Variants in GBE1 observed in about 807,000 individuals in gnomAD.
The protein encoded by GBE1 is 1,4-alpha-glucan branching enzyme 1, also known as 1,4-alpha-glucan-branching enzyme.
GBE1 carries 70 observed loss-of-function variants against 88.8 expected under a neutral mutation model. The ratio of observed to expected loss-of-function variants is 0.79; its 90% CI spans 0.65 to 0.96. The LOEUF (loss-of-function observed/expected upper bound fraction) is 0.96, where lower values mean the gene tolerates loss of function less well. GBE1 is among the 40% of genes least tolerant of loss of function. The pLI, the probability that GBE1 is intolerant of heterozygous loss-of-function variation, is 0.00. For synonymous variants in GBE1, 284 were observed against 300.1 expected (o/e 0.95, Z 0.56); for missense variants, 872 against 871.0 (o/e 1.00, Z -0.01).
chr3:81,522,401 C>G (rs1047832901), intron 14 of GBE1, among the ~76,000 whole-genome samples: 4 of 151,476 alleles, frequency 2.6e-5, no homozygotes, highest in Non-Finnish European at 4.4e-5. Flanking sequence ...CTGCACTGAA[C>G]TGGGAGGGTG....
chr3:81,636,025 TACA>T (rs1559671370), intron 7 of GBE1, among the ~76,000 whole-genome samples: 1 of 152,178 alleles, frequency 6.6e-6, no homozygotes, highest in East Asian at 1.9e-4. Flanking sequence ...ACAAAGTTTA[TACA>T]AAGACGGTAA....
intron 6 of GBE1, 119 bp from the exon 7 acceptor site, chr3:81,643,109 G>A (rs890752986): frequency 3.0e-5 from 21 of 694,614 alleles, no homozygotes; most frequent in Non-Finnish European, 4.7e-5. Context: ...AACAGCATGT[G>A]ACATGATACC....
chr3:81,584,107 A>G (rs1459659854), intron 10 of GBE1, among the ~76,000 whole-genome samples: 1 of 152,112 alleles, frequency 6.6e-6, no homozygotes, highest in African/African-American at 2.4e-5. Context: ...TAAACACTTC[A>G]AAAATGATCA....
At chr3:81,660,102 G>A (rs1705002608) in intron 3 of GBE1, among the ~76,000 whole-genome samples, 1 of 152,188 alleles carries the variant, frequency 6.6e-6, no homozygotes, top group Admixed American at 6.5e-5. Flanking sequence ...GAAATAGTTT[G>A]TATTATGGGA....
At chr3:81,695,764 T>C (rs1705582253) in intron 2 of GBE1, among the ~76,000 whole-genome samples, 2 of 152,180 alleles carry the variant, frequency 1.3e-5, no homozygotes, top group South Asian at 2.1e-4. Context: ...TATGTGTCCA[T>C]GGTTGTTAAA....
chr3:81,745,559 A>G (rs1266065636), intron 1 of GBE1, among the ~76,000 whole-genome samples: 2 of 151,802 alleles, frequency 1.3e-5, no homozygotes, highest in Non-Finnish European at 2.9e-5. Flanking sequence ...GATGGTGATG[A>G]TTATTATTAT....
At chr3:81,581,103 G>A in intron 11 of GBE1, 62 bp downstream of exon 11, 1 of 910,256 alleles carries the variant, frequency 1.1e-6, no homozygotes, top group South Asian at 1.5e-5. Context: ...ATGTTATTAA[G>A]GAGAGGGAAG....
At chr3:81,731,554 A>G (rs1361223124) in intron 1 of GBE1, among the ~76,000 whole-genome samples, 1 of 152,100 alleles carries the variant, frequency 6.6e-6, no homozygotes, top group East Asian at 1.9e-4. Flanking sequence ...GGATTTGTGT[A>G]CCCACCCAAA....
chr3:81,516,326 T>C (rs1429428693), intron 14 of GBE1, among the ~76,000 whole-genome samples: 1 of 151,602 alleles, frequency 6.6e-6, no homozygotes, highest in African/African-American at 2.4e-5. Context: ...GCTCTATAAA[T>C]GTAACCACAA....
In GBE1 at chr3:81,631,666, GA is replaced by G. The variant is rs537059909; in HGVS notation, c.992+11114del. Among the ~76,000 whole-genome samples the G allele has an allele frequency of 5.6e-4, 84 of 150,490 alleles. 2 individuals carry two copies. The highest frequency in any genetic ancestry group is 5.5e-3 in the Admixed American group (84 of 15,154). On this transcript the variant is annotated intron_variant, in intron 7 of 15. Coordinates refer to ENST00000429644, the MANE Select transcript of GBE1 (RefSeq NM_000158.4). Reference sequence around the variant, plus strand: ...GAAGGCTGAGGCAGGAGAATCACTTGAACCTGGGAGGCAGAAATTGTCGTAA... The same window carrying G: ...GAAGGCTGAGGCAGGAGAATCACTTGACCTGGGAGGCAGAAATTGTCGTAA...
In GBE1 at chr3:81,654,139, A is replaced by G. The variant is rs547147180; in HGVS notation, c.430-4218T>C. ...TTTAATGAGCCAAATTATTTATTTG[A>G]CTTATAGGAGGTTATCATCAAAAGA... is the stretch of plus-strand genomic sequence containing the variant. On this transcript the variant is annotated intron_variant, in intron 3 of 15. Coordinates refer to ENST00000429644, the MANE Select transcript of GBE1 (RefSeq NM_000158.4). 3.3e-5 allele frequency among the ~76,000 whole-genome samples: 5 copies of G among 152,310 alleles called. No individual in the cohort carries two copies. The East Asian group carries it at 7.7e-4, about 23-fold the overall frequency.
chr3:81,560,135 ATTAAG>A (rs1703397768), intron 12 of GBE1, among the ~76,000 whole-genome samples: 1 of 152,016 alleles, frequency 6.6e-6, no homozygotes, highest in Non-Finnish European at 1.5e-5. Context: ...ACACATAATA[ATTAAG>A]TTCTCATCGT....
At chr3:81,626,123 C>G (rs1474244730) in intron 7 of GBE1, among the ~76,000 whole-genome samples, 1 of 152,170 alleles carries the variant, frequency 6.6e-6, no homozygotes, top group Non-Finnish European at 1.5e-5. Context: ...CAGTAAGGAG[C>G]AGCTCATGCT....
intron 1 of GBE1, among the ~76,000 whole-genome samples, chr3:81,714,682 A>G (rs1490383556): frequency 2.0e-5 from 3 of 152,212 alleles, no homozygotes; most frequent in African/African-American, 7.2e-5. Context: ...GAGGCCAGAT[A>G]CTGCATGTCT....
chr3:81,498,960 T>C (rs1208685977), intron 15 of GBE1, 150 bp downstream of exon 15: 5 of 565,388 alleles, frequency 8.8e-6, no homozygotes, highest in African/African-American at 1.9e-5. Flanking sequence ...ACATTACATC[T>C]GGCCAAGCGT....
At chr3:81,539,189 CT>C (rs1397354154) in intron 12 of GBE1, among the ~76,000 whole-genome samples, 1 of 151,972 alleles carries the variant, frequency 6.6e-6, no homozygotes. Flanking sequence ...TTTCAGCCCC[CT>C]GACTCTTAAT....
At chr3:81,666,237 T>G (rs1292438666) in intron 3 of GBE1, among the ~76,000 whole-genome samples, 1 of 152,138 alleles carries the variant, frequency 6.6e-6, no homozygotes, top group South Asian at 2.1e-4. Context: ...TACAAATGCC[T>G]AAAAACTGAT....
chr3:81,746,247 G>A (rs1706418968), intron 1 of GBE1, among the ~76,000 whole-genome samples: 1 of 152,088 alleles, frequency 6.6e-6, no homozygotes. Flanking sequence ...AGGGTTCTGA[G>A]ACTAAAATAT....
chr3:81,604,109 C>T (rs72904392), intron 7 of GBE1, among the ~76,000 whole-genome samples: 9,806 of 152,072 alleles, frequency 0.064, 529 homozygotes, highest in African/African-American at 0.14. Flanking sequence ...CAAACTGGTT[C>T]ATGCAAGTAA....
Sources: gnomAD v4.1 joint callset for allele counts (sites outside exome capture counted in the v4.1 genomes callset) on GRCh38, gnomAD v4.1.1 for gene constraint, MANE v1.5 for transcripts, NCBI Gene and HGNC (gene_info 2026-07-23, HGNC 2026-07-21) for gene names.